The following ADAMTS6 variants were observed in gnomAD, a reference collection of about 807,000 sequenced individuals.
ADAMTS6 encodes the protein A disintegrin and metalloproteinase with thrombospondin motifs 6.
ADAMTS6 carries 23 observed loss-of-function variants against 144.3 expected under a neutral mutation model. The ratio of observed to expected loss-of-function variants is 0.16; its 90% confidence interval spans 0.11 to 0.23. The LOEUF is 0.23. ADAMTS6 is among the 10% of genes least tolerant of loss of function. The pLI is 1.00. For synonymous variants in ADAMTS6, 444 were observed against 457.5 expected (o/e 0.97, Z 0.38); for missense variants, 999 against 1,379.6 (o/e 0.72, Z 4.37).
At chr5:65,311,215 G>A (rs1744465853) in intron 9 of ADAMTS6, among the ~76,000 whole-genome samples, 1 of 152,022 alleles carries the variant, frequency 6.6e-6, no homozygotes, top group Admixed American at 6.6e-5. Flanking sequence ...CATCATATGT[G>A]TACATACCTC....
intron 7 of ADAMTS6, among the ~76,000 whole-genome samples, chr5:65,371,597 G>C (rs1344637096): frequency 6.6e-6 from 1 of 152,120 alleles, no homozygotes; most frequent in African/African-American, 2.4e-5. Flanking sequence ...AACGAACAAA[G>C]CCTCCAAGAA....
intron 8 of ADAMTS6, among the ~76,000 whole-genome samples, chr5:65,330,344 C>CA (rs1450895854): frequency 2.6e-5 from 4 of 151,902 alleles, no homozygotes; most frequent in African/African-American, 9.7e-5. Flanking sequence ...TGTGCAAAAG[C>CA]AAAAATGTCA....
intron 7 of ADAMTS6, among the ~76,000 whole-genome samples, chr5:65,410,225 G>A (rs182700833): frequency 3.7e-4 from 57 of 152,162 alleles, no homozygotes; most frequent in African/African-American, 1.3e-3. Context: ...AACCAACTAC[G>A]CAACAAAAGT....
intron 7 of ADAMTS6, among the ~76,000 whole-genome samples, chr5:65,373,843 G>C (rs1751229232): frequency 6.6e-6 from 1 of 151,964 alleles, no homozygotes. Flanking sequence ...GATGAACATT[G>C]ATGCAAAAAT....
chr5:65,266,839 C>T (rs1761662806), intron 12 of ADAMTS6, among the ~76,000 whole-genome samples: 1 of 151,770 alleles, frequency 6.6e-6, no homozygotes, highest in Non-Finnish European at 1.5e-5. Flanking sequence ...ATAATTATGG[C>T]TACTTTTCTC....
chr5:65,320,206 G>T (rs1189648244), intron 9 of ADAMTS6, among the ~76,000 whole-genome samples: 2 of 151,934 alleles, frequency 1.3e-5, no homozygotes, highest in African/African-American at 4.8e-5. Context: ...GACTGATCAA[G>T]AAAAAGGGGA....
chr5:65,400,497 T>C (rs1753829089), intron 7 of ADAMTS6, among the ~76,000 whole-genome samples: 1 of 152,352 alleles, frequency 6.6e-6, no homozygotes, highest in East Asian at 1.9e-4. Flanking sequence ...ATTATAGGCA[T>C]GAGCCACTGC....
intron 7 of ADAMTS6, among the ~76,000 whole-genome samples, chr5:65,435,982 G>C (rs926409282): frequency 1.3e-5 from 2 of 152,046 alleles, no homozygotes; most frequent in Non-Finnish European, 2.9e-5. Flanking sequence ...GCACTTTAGA[G>C]GTCAAATAAA....
intron 9 of ADAMTS6, among the ~76,000 whole-genome samples, chr5:65,320,681 T>G (rs1745530408): frequency 6.6e-6 from 1 of 152,100 alleles, no homozygotes; most frequent in Middle Eastern, 3.2e-3. Flanking sequence ...AAAAGCCTAG[T>G]ACCCGTTAGT....
chr5:65,255,612 T>C (rs796218796), intron 14 of ADAMTS6, among the ~76,000 whole-genome samples: 8 of 152,256 alleles, frequency 5.3e-5, no homozygotes, highest in African/African-American at 1.9e-4. Context: ...TCTCTTCCTC[T>C]CAATATCATC....
intron 22 of ADAMTS6, 108 bp downstream of exon 22, chr5:65,187,908 C>T (rs1267171743): frequency 1.9e-5 from 21 of 1,109,214 alleles, no homozygotes; most frequent in Non-Finnish European, 2.6e-5. Flanking sequence ...GTTACACAGC[C>T]CTTACTTGTT....
chr5:65,282,429 GA>G (rs1275955415), intron 11 of ADAMTS6, among the ~76,000 whole-genome samples: 1 of 152,064 alleles, frequency 6.6e-6, no homozygotes, highest in Non-Finnish European at 1.5e-5. Context: ...GCTTCCCAGA[GA>G]GAATAGTTTG....
intron 21 of ADAMTS6, among the ~76,000 whole-genome samples, chr5:65,195,084 T>C (rs1223100314): frequency 6.6e-6 from 1 of 152,186 alleles, no homozygotes; most frequent in Non-Finnish European, 1.5e-5. Context: ...ATGCCAAATA[T>C]ACTACTTAAG....
intron 9 of ADAMTS6, among the ~76,000 whole-genome samples, chr5:65,325,212 G>T (rs913737332): frequency 6.6e-6 from 1 of 152,154 alleles, no homozygotes; most frequent in Non-Finnish European, 1.5e-5. Flanking sequence ...TATCTTGATT[G>T]TGGTGGTGGG....
chr5:65,234,901 A>G (rs76080039), intron 15 of ADAMTS6, among the ~76,000 whole-genome samples: 3,219 of 152,310 alleles, frequency 0.021, 56 homozygotes, highest in South Asian at 0.03. Context: ...TGTTTTATAT[A>G]GACATATGTA....
chr5:65,349,808 T>TCA (rs1748680599), intron 7 of ADAMTS6, among the ~76,000 whole-genome samples: 1 of 150,736 alleles, frequency 6.6e-6, no homozygotes, highest in African/African-American at 2.4e-5. Context: ...TGAGCCGAGA[T>TCA]CGTGCCACTA....
intron 12 of ADAMTS6, among the ~76,000 whole-genome samples, chr5:65,269,790 C>CCTTTT (rs1561355788): frequency 7.5e-6 from 1 of 133,214 alleles, no homozygotes; most frequent in African/African-American, 2.8e-5. Flanking sequence ...AGTGTAAGTA[C>CCTTTT]TTTTTTTTTT....
intron 7 of ADAMTS6, among the ~76,000 whole-genome samples, chr5:65,424,551 C>T (rs1170047869): frequency 6.6e-6 from 1 of 152,074 alleles, no homozygotes; most frequent in African/African-American, 2.4e-5. Context: ...GAGCATAGTT[C>T]GGGGTGGCGT....
chr5:65,315,570 T>C (rs1182956201), intron 9 of ADAMTS6, among the ~76,000 whole-genome samples: 4 of 151,912 alleles, frequency 2.6e-5, no homozygotes, highest in Admixed American at 1.3e-4. Flanking sequence ...TGGCGAAAAA[T>C]ATAAGACCCA....
Sources: allele counts gnomAD v4.1 joint callset (sites outside exome capture counted in the v4.1 genomes callset), GRCh38; gene constraint gnomAD v4.1.1; transcripts MANE v1.5; gene names NCBI Gene and HGNC (gene_info 2026-07-23, HGNC 2026-07-21).